The following TACC1 variants were observed in gnomAD, a reference collection of about 807,000 sequenced individuals.
The protein encoded by TACC1 is transforming acidic coiled-coil-containing protein 1.
TACC1 carries 48 observed loss-of-function variants against 84.4 expected under a neutral mutation model. The ratio of observed to expected loss-of-function variants is 0.57; its 90% CI spans 0.45 to 0.72. The LOEUF is 0.72. Among genes scored for constraint, TACC1 ranks in the 30% least tolerant of loss-of-function variants. The probability of loss-of-function intolerance (pLI) is 0.00; values close to 1 mark genes in which losing one functional copy is unlikely to be tolerated. For synonymous variants in TACC1, 372 were observed against 376.3 expected, an observed-to-expected ratio of 0.99 and a Z score of 0.13; for missense variants, 920 against 973.0, an observed-to-expected ratio of 0.95 and a Z score of 0.72.
intron 3 of TACC1, among the ~76,000 whole-genome samples, chr8:38,766,540 CAAAG>C (rs1387822514): frequency 3.9e-5 from 6 of 152,212 alleles, no homozygotes; most frequent in African/African-American, 1.4e-4. Flanking sequence ...AGAAACCTTA[CAAAG>C]ATGCTTTGCT....
chr8:38,742,591 A>G lies in TACC1; in HGVS notation c.-574+140A>G, dbSNP rs144500637. On this transcript the variant is annotated intron_variant, in intron 2 of 14. Coordinates refer to the TACC1 transcript ENST00000518415. The stretch of plus-strand genomic sequence containing the variant: ...GAAGGAAATAATGATCGAGGAAAGA[A>G]CAAAGAACTGGGTGGTGGTGATGCA... 1.4e-3 allele frequency: 937 copies of G among 653,746 alleles called. 12 individuals carry two copies. The African/African-American group carries it at 0.015, about 11-fold the overall frequency. 40.5% of individuals were successfully genotyped at this position (653,746 alleles called of 1,614,324 possible). A position where few individuals can be genotyped will look rare whatever the true frequency, so the allele number is the denominator to read the frequency against.
chr8:38,831,541 G>A (rs914934877), intron 6 of TACC1, among the ~76,000 whole-genome samples: 2 of 152,088 alleles, frequency 1.3e-5, no homozygotes. Context: ...TGTTCCCCAG[G>A]CTGGAGTACA....
intron 5 of TACC1, chr8:38,827,604 G>A (rs776417055): frequency 4.4e-5 from 25 of 567,952 alleles, no homozygotes; most frequent in Middle Eastern, 3.9e-4. Context: ...AGATGCTGAT[G>A]TATGTGAGAC....
intron 4 of TACC1, among the ~76,000 whole-genome samples, 166 bp from the exon 5 acceptor site, chr8:38,827,002 C>T (rs1481582069): frequency 6.6e-6 from 1 of 152,196 alleles, no homozygotes; most frequent in Non-Finnish European, 1.5e-5. Context: ...AACAGCATCT[C>T]ACAATTGAAA....
chr8:38,821,588 A>C (rs1826832797), intron 3 of TACC1, among the ~76,000 whole-genome samples: 1 of 152,228 alleles, frequency 6.6e-6, no homozygotes, highest in African/African-American at 2.4e-5. Context: ...TGAGTAAATT[A>C]GTTGGTTTAG....
chr8:38,827,566 T>C (rs943999933), intron 5 of TACC1, 191 bp downstream of exon 5: 7 of 610,072 alleles, frequency 1.1e-5, no homozygotes, highest in African/African-American at 5.5e-5. Flanking sequence ...ACTAGGAACG[T>C]AGAGATACTT....
intron 3 of TACC1, among the ~76,000 whole-genome samples, chr8:38,776,101 T>C (rs566789981): frequency 6.6e-6 from 1 of 152,250 alleles, no homozygotes; most frequent in South Asian, 2.1e-4. Context: ...ATTGGAGTTA[T>C]ACAATCATAT....
At chr8:38,729,644 A>T (rs180766388) in intron 1 of TACC1, among the ~76,000 whole-genome samples, 1 of 152,264 alleles carries the variant, frequency 6.6e-6, no homozygotes, top group Admixed American at 6.5e-5. Context: ...CGAGGCGGGC[A>T]GATCACTTGA....
chr8:38,846,606 C>T lies in TACC1; in HGVS notation c.2229-93C>T, dbSNP rs1338608196. 2.0e-5 allele frequency: 29 copies of T among 1,483,296 alleles called. No individual in the cohort carries two copies. The Admixed American group carries it at 2.8e-4, about 14-fold the overall frequency. The allele number at this position is 1,483,296 out of a possible 1,614,324, so 91.9% of individuals were successfully genotyped here. ...AGTCAATTCTTTGAGGCCTGTGCCT[C>T]ACAGATGTCAGTGGTTAGTATCCTG... On this transcript the variant is annotated intron_variant, in intron 11 of 12. Transcript: ENST00000317827.
rs180921750 is a variant in TACC1, at chr8:38,745,689, G to A, written c.26+196G>A. 2.8e-3 allele frequency among the ~76,000 whole-genome samples: 428 copies of A among 152,020 alleles called. 2 individuals carry two copies. Among genetic ancestry groups the A allele is most frequent in the African/African-American group, 9.5e-3 (393 of 41,474 alleles). ...CTTCCGAGTAGCTGGGACTACAGGCGCACGCCACCACACCCAGCTAATTTT... is the reference window on the plus strand; with the variant it reads ...CTTCCGAGTAGCTGGGACTACAGGCACACGCCACCACACCCAGCTAATTTT... On this transcript the variant is annotated intron_variant, in intron 3 of 14. Coordinates refer to the TACC1 transcript ENST00000518415.
chr8:38,787,462 C>T lies in TACC1; in HGVS notation c.-121C>T, dbSNP rs1302346716. 1 of 1,389,744 alleles carries T rather than the reference C, an allele frequency of 7.2e-7. No individual in the cohort carries two copies. The highest frequency in any genetic ancestry group is 3.0e-5 in the East Asian group (1 of 32,984). 86.1% of individuals were successfully genotyped at this position (1,389,744 alleles called of 1,614,324 possible). A position where few individuals can be genotyped will look rare whatever the true frequency, so the allele number is the denominator to read the frequency against. ...CCGACGGCACTCGTTTAACCACATC[C>T]GCGCCTCTGCTGGAAACGCTTGCTG... is the stretch of plus-strand genomic sequence containing the variant. On this transcript the variant is annotated 5_prime_UTR_variant, in exon 1 of 13. Transcript: ENST00000317827.
intron 3 of TACC1, among the ~76,000 whole-genome samples, chr8:38,773,405 A>T (rs946345042): frequency 2.0e-5 from 3 of 148,296 alleles, no homozygotes; most frequent in Non-Finnish European, 3.0e-5. Context: ...TATAATATAA[A>T]TTTTTATATT....
intron 3 of TACC1, among the ~76,000 whole-genome samples, chr8:38,779,608 G>GA (rs1029341939): frequency 3.1e-4 from 47 of 152,302 alleles, no homozygotes; most frequent in African/African-American, 9.9e-4. Flanking sequence ...TTTCAGATTC[G>GA]AAAATCAATC....
chr8:38,788,868 GA>G, intron 2 of TACC1, 49 bp downstream of exon 2: 1 of 1,440,876 alleles, frequency 6.9e-7, no homozygotes, highest in Admixed American at 2.2e-5. Context: ...CAAAAGTTTT[GA>G]AAAATATCAA....
chr8:38,846,446 A>AC, intron 11 of TACC1: 1 of 337,244 alleles, frequency 3.0e-6, no homozygotes, highest in East Asian at 6.0e-5. Context: ...GTCTAAAAAA[A>AC]AAAAAAAAAT....
In TACC1 at chr8:38,843,388, C is replaced by T. The variant is rs766730800; in HGVS notation, c.2221C>T (p.Leu741=). 4.4e-6 allele frequency: 7 copies of T among 1,603,756 alleles called. No individual in the cohort carries two copies. In the East Asian group the frequency reaches 1.4e-4, roughly 31 times the overall value. ...QALKIHAEEK[L]DKANEEIAQV... ...CCTGAAAATCCACGCAGAAGAGAAACTGGACAAGTAAGAGCTTGTAAATGT... is the reference window on the plus strand; with the variant it reads ...CCTGAAAATCCACGCAGAAGAGAAATTGGACAAGTAAGAGCTTGTAAATGT... Residue 741 remains leucine (L), a synonymous_variant, in exon 11 of 13, where the codon CTG becomes TTG. Transcript: ENST00000317827.
At chr8:38,772,942 A>C (rs903459791) in intron 3 of TACC1, among the ~76,000 whole-genome samples, 1 of 152,186 alleles carries the variant, frequency 6.6e-6, no homozygotes, top group African/African-American at 2.4e-5. Context: ...ATTAAGGTTT[A>C]TAATATTAAG....
In TACC1 at chr8:38,788,706, C is replaced by T. The variant is rs771016874; in HGVS notation, c.164C>T (p.Ser55Leu). 31 of 1,611,848 alleles carry T rather than the reference C, an allele frequency of 1.9e-5. No individual in the cohort carries two copies. The highest frequency in any genetic ancestry group is 2.5e-5 in the Non-Finnish European group (30 of 1,178,746). ...QAETKSLSFS[S>L]DSEGNFETPE... ...TCCTCATTTTTCCTCCTTGGCAGCT[C>T]GGATTCTGAAGGTAATTTTGAGACT... The change falls in exon 2 of 13, where the codon TCG becomes TTG. Residue 55 changes from serine (S) to leucine (L), a missense_variant and splice_region_variant. Ser to Leu is a moderately radical substitution (Grantham distance 145, BLOSUM62 -2). Coordinates refer to ENST00000317827, the MANE Select transcript of TACC1 (RefSeq NM_006283.3).
chr8:38,772,228 G>A (rs567375347), intron 3 of TACC1, among the ~76,000 whole-genome samples: 1 of 152,278 alleles, frequency 6.6e-6, no homozygotes, highest in African/African-American at 2.4e-5. Flanking sequence ...AAGGTTTAGG[G>A]GAAAGGCTGT....
Sources: gnomAD v4.1 joint callset for allele counts (sites outside exome capture counted in the v4.1 genomes callset) on GRCh38, gnomAD v4.1.1 for gene constraint, MANE v1.5 for transcripts, NCBI Gene and HGNC (gene_info 2026-07-23, HGNC 2026-07-21) for gene names.